The following PTPRT variants were observed in gnomAD, a reference collection of about 807,000 sequenced individuals.
PTPRT encodes protein tyrosine phosphatase receptor type T.
In PTPRT, 56 loss-of-function variants were observed where a neutral mutation model predicts 176.8. The observed-to-expected ratio is 0.32, with a 90% confidence interval of 0.26 to 0.40. The LOEUF is 0.40. Among genes scored for constraint, PTPRT ranks in the 10% least tolerant of loss-of-function variants. PTPRT has a pLI of 1.00. For missense variants in PTPRT, 1,540 were observed against 1,908.2 expected, an observed-to-expected ratio of 0.81 and a Z score of 3.60; for synonymous variants, 783 against 739.0, an observed-to-expected ratio of 1.06 and a Z score of -0.96.
chr20:42,528,094 T>A (rs2072310475), intron 7 of PTPRT, among the ~76,000 whole-genome samples: 1 of 152,166 alleles, frequency 6.6e-6, no homozygotes, highest in African/African-American at 2.4e-5. Flanking sequence ...TTTGAACCAT[T>A]TTCCAAACTG....
chr20:42,494,517 G>A (rs1328139898), intron 7 of PTPRT, among the ~76,000 whole-genome samples: 1 of 152,078 alleles, frequency 6.6e-6, no homozygotes, highest in African/African-American at 2.4e-5. Flanking sequence ...GGAATAATGT[G>A]TCATCAAAGA....
At chr20:42,678,767 A>C (rs1020819046) in intron 6 of PTPRT, among the ~76,000 whole-genome samples, 7 of 152,234 alleles carry the variant, frequency 4.6e-5, no homozygotes, top group Non-Finnish European at 7.3e-5. Flanking sequence ...CCCAGAACAC[A>C]GCAAAGCTGC....
chr20:43,094,391 CTTTTTTTTTTTT>C (rs71335878), intron 1 of PTPRT, among the ~76,000 whole-genome samples: 1 of 64,666 alleles, frequency 1.5e-5, no homozygotes, highest in East Asian at 4.7e-4. Context: ...CGGCCTCTTT[CTTTTTTTTTTTT>C]TTTTTTTTTT....
intron 21 of PTPRT, chr20:42,116,195 T>C (rs1415336935): frequency 2.9e-6 from 2 of 681,346 alleles, no homozygotes; most frequent in Non-Finnish European, 5.4e-6. Context: ...CACAGTTAAA[T>C]AGGCAGCTTT....
At chr20:42,301,755 T>C (rs1228713687) in intron 12 of PTPRT, among the ~76,000 whole-genome samples, 1 of 152,160 alleles carries the variant, frequency 6.6e-6, no homozygotes, top group Non-Finnish European at 1.5e-5. Context: ...GAGAGCTTAT[T>C]AACATTCTTT....
intron 7 of PTPRT, among the ~76,000 whole-genome samples, chr20:42,578,224 A>G (rs1601308573): frequency 6.6e-6 from 1 of 152,278 alleles, no homozygotes; most frequent in Admixed American, 6.5e-5. Flanking sequence ...TTCTGGAAGC[A>G]CACTAACCAG....
intron 1 of PTPRT, among the ~76,000 whole-genome samples, chr20:43,090,204 C>T (rs758511402): frequency 6.6e-6 from 1 of 152,140 alleles, no homozygotes; most frequent in South Asian, 2.1e-4. Context: ...TTTCACAGAA[C>T]CCTTAATTAA....
chr20:42,397,868 T>A (rs2058866877), intron 9 of PTPRT, among the ~76,000 whole-genome samples: 1 of 152,220 alleles, frequency 6.6e-6, no homozygotes, highest in African/African-American at 2.4e-5. Context: ...ATCTCCAAAC[T>A]GCTCTCCACA....
chr20:42,758,713 C>T (rs1389760665), intron 5 of PTPRT, among the ~76,000 whole-genome samples: 16 of 152,214 alleles, frequency 1.1e-4, no homozygotes, highest in Non-Finnish European at 1.5e-5. Context: ...AGTTAGTACA[C>T]ATCAGAGCAA....
chr20:42,036,390 T>C, the PTPRT span, among the ~76,000 whole-genome samples: 1 of 152,214 alleles, frequency 6.6e-6, no homozygotes, highest in Non-Finnish European at 1.5e-5. Flanking sequence ...TTACATAGTT[T>C]TCACAACCAT....
chr20:42,157,184 T>C (rs1989394844), intron 17 of PTPRT, among the ~76,000 whole-genome samples: 1 of 152,176 alleles, frequency 6.6e-6, no homozygotes, highest in Non-Finnish European at 1.5e-5. Flanking sequence ...ACCATGTCTA[T>C]ATTCCAAGTT....
intron 17 of PTPRT, among the ~76,000 whole-genome samples, chr20:42,150,334 T>C (rs565291396): frequency 6.6e-6 from 1 of 152,312 alleles, no homozygotes; most frequent in Admixed American, 6.5e-5. Flanking sequence ...CTTGACTGTA[T>C]CCCTGGAGAT....
At chr20:42,805,789 C>T (rs1230269993) in intron 2 of PTPRT, among the ~76,000 whole-genome samples, 2 of 152,142 alleles carry the variant, frequency 1.3e-5, no homozygotes, top group Non-Finnish European at 2.9e-5. Context: ...TCTGATGCTG[C>T]ATCACTTTTA....
intron 2 of PTPRT, among the ~76,000 whole-genome samples, chr20:42,885,522 G>A (rs529417): frequency 0.98 from 148,405 of 152,076 alleles, 72,435 homozygotes; most frequent in East Asian, 1. Context: ...ACACGCCACT[G>A]TCATCAGGCT....
intron 9 of PTPRT, among the ~76,000 whole-genome samples, chr20:42,418,510 C>T (rs982831524): frequency 6.6e-6 from 1 of 152,094 alleles, no homozygotes; most frequent in African/African-American, 2.4e-5. Context: ...AAATAGTTAA[C>T]AACTACATGG....
chr20:42,316,086 A>G, intron 11 of PTPRT, 90 bp from the exon 12 acceptor site: 3 of 1,406,956 alleles, frequency 2.1e-6, no homozygotes, highest in South Asian at 2.5e-5. Context: ...AACTTCTCCT[A>G]TGTGGAAGCA....
intron 6 of PTPRT, among the ~76,000 whole-genome samples, chr20:42,694,320 G>A (rs906037133): frequency 7.2e-5 from 11 of 152,282 alleles, no homozygotes; most frequent in African/African-American, 2.6e-4. Context: ...TTACAGGCAT[G>A]AGCCACTATG....
intron 6 of PTPRT, among the ~76,000 whole-genome samples, chr20:42,718,882 G>C (rs1350153005): frequency 6.6e-6 from 1 of 152,190 alleles, no homozygotes; most frequent in African/African-American, 2.4e-5. Flanking sequence ...ATAAGGAACT[G>C]CAAGAGTCCA....
chr20:42,750,776 CT>C, intron 6 of PTPRT, among the ~76,000 whole-genome samples: 1 of 152,232 alleles, frequency 6.6e-6, no homozygotes, highest in African/African-American at 2.4e-5. Flanking sequence ...CACTCAAGTC[CT>C]TGAGGCCAGC....
Sources: allele counts gnomAD v4.1 joint callset (sites outside exome capture counted in the v4.1 genomes callset), GRCh38; gene constraint gnomAD v4.1.1; transcripts MANE v1.5; gene names NCBI Gene and HGNC (gene_info 2026-07-23, HGNC 2026-07-21).